Variants in GALNT14 observed in about 807,000 individuals in gnomAD.
GALNT14 encodes UDP-GalNAc:polypeptide N-acetylgalactosaminyltransferase 14.
In GALNT14, 60 loss-of-function variants were observed where a neutral mutation model predicts 77.5. That is an observed-to-expected ratio of 0.77 (90% CI 0.63 to 0.96). The LOEUF (loss-of-function observed/expected upper bound fraction) is 0.96, where lower values mean the gene tolerates loss of function less well. Among genes scored for constraint, GALNT14 ranks in the 40% least tolerant of loss-of-function variants. The probability of loss-of-function intolerance (pLI) is 0.00; values close to 1 mark genes in which losing one functional copy is unlikely to be tolerated. For synonymous variants in GALNT14, 280 were observed against 281.7 expected, an observed-to-expected ratio of 0.99 and a Z score of 0.06; for missense variants, 710 against 731.0, an observed-to-expected ratio of 0.97 and a Z score of 0.33.
intron 1 of GALNT14, among the ~76,000 whole-genome samples, chr2:31,098,857 T>A (rs1324409832): frequency 1.3e-5 from 2 of 151,916 alleles, no homozygotes; most frequent in Non-Finnish European, 2.9e-5. Flanking sequence ...ACTAAGAAAA[T>A]CACAAGGAAG....
At chr2:30,973,056 G>C (rs12624087) in intron 2 of GALNT14, among the ~76,000 whole-genome samples, 3,539 of 152,284 alleles carry the variant, frequency 0.023, 142 homozygotes, top group East Asian at 0.21. Context: ...AGAGGCCAGA[G>C]CCACAAAGAG....
intron 1 of GALNT14, among the ~76,000 whole-genome samples, chr2:31,004,140 T>A (rs975177264): frequency 6.6e-6 from 1 of 152,176 alleles, no homozygotes; most frequent in Non-Finnish European, 1.5e-5. Flanking sequence ...TGCATCCCCT[T>A]CTCTTTGTGT....
the GALNT14 span, among the ~76,000 whole-genome samples, chr2:30,903,358 A>T: frequency 6.6e-6 from 1 of 152,246 alleles, no homozygotes; most frequent in Non-Finnish European, 1.5e-5. Context: ...TGCTGGCTAC[A>T]CCTGATGCCT....
At chr2:30,911,673 C>T (rs1172925101) in intron 14 of GALNT14, among the ~76,000 whole-genome samples, 1 of 152,196 alleles carries the variant, frequency 6.6e-6, no homozygotes, top group South Asian at 2.1e-4. Context: ...AATGGACATC[C>T]AGAGAGGTCC....
chr2:31,018,474 C>T (rs898653542), intron 1 of GALNT14, among the ~76,000 whole-genome samples: 2 of 152,086 alleles, frequency 1.3e-5, no homozygotes, highest in African/African-American at 4.8e-5. Flanking sequence ...TGAGGAAAAG[C>T]CCCTTATAAA....
intron 1 of GALNT14, among the ~76,000 whole-genome samples, chr2:31,042,747 AC>A (rs1673178815): frequency 6.6e-6 from 1 of 151,990 alleles, no homozygotes; most frequent in Admixed American, 6.6e-5. Flanking sequence ...TCTTCTCGCC[AC>A]CTCCGCTGCT....
At chr2:30,942,142 G>T in intron 9 of GALNT14, 59 bp downstream of exon 9, 1 of 1,265,960 alleles carries the variant, frequency 7.9e-7, no homozygotes, top group Non-Finnish European at 1.1e-6. Flanking sequence ...AGAGGTCCCC[G>T]CCCCAATCCC....
chr2:31,120,047 T>TC lies in GALNT14; in HGVS notation c.129+17910dup, dbSNP rs1678319133. On this transcript the variant is annotated intron_variant, in intron 1 of 14. Coordinates refer to ENST00000349752, the MANE Select transcript of GALNT14 (RefSeq NM_024572.4). Reference sequence around the variant, plus strand: ...AGCGGGCGCCTGTAGTCCCAGCTACTCGGGAGGCTGAGGCAGGAGAATGGC... The same window carrying TC: ...AGCGGGCGCCTGTAGTCCCAGCTACTCCGGGAGGCTGAGGCAGGAGAATGGC... 1.7e-5 allele frequency among the ~76,000 whole-genome samples: 2 copies of TC among 119,944 alleles called. 1 individual carries two copies. The highest frequency in any genetic ancestry group is 5.4e-5 in the African/African-American group (2 of 36,916). The allele number at this position is 119,944 out of a possible 152,430, so 78.7% of individuals were successfully genotyped here. A position where few individuals can be genotyped will look rare whatever the true frequency, so the allele number is the denominator to read the frequency against.
At chr2:31,112,191 G>C (rs1356670900) in intron 1 of GALNT14, among the ~76,000 whole-genome samples, 1 of 152,138 alleles carries the variant, frequency 6.6e-6, no homozygotes, top group Non-Finnish European at 1.5e-5. Flanking sequence ...AGAGCAATGA[G>C]CCCAGCTCCA....
At chr2:30,991,675 T>C (rs139113121) in intron 2 of GALNT14, among the ~76,000 whole-genome samples, 10 of 152,292 alleles carry the variant, frequency 6.6e-5, no homozygotes, top group East Asian at 1.9e-4. Context: ...GCTATATTCA[T>C]AGGGAAACCA....
chr2:30,981,465 A>T (rs1294001802), intron 2 of GALNT14, among the ~76,000 whole-genome samples: 2 of 152,218 alleles, frequency 1.3e-5, no homozygotes, highest in Non-Finnish European at 2.9e-5. Context: ...AGACATGTCA[A>T]ATCAGCCTAC....
chr2:31,053,519 G>A (rs920175412), intron 1 of GALNT14, among the ~76,000 whole-genome samples: 3 of 152,030 alleles, frequency 2.0e-5, no homozygotes, highest in Non-Finnish European at 4.4e-5. Flanking sequence ...GCTAAGTCTG[G>A]TTTTTGATCA....
intron 1 of GALNT14, among the ~76,000 whole-genome samples, chr2:31,060,609 C>T (rs968423987): frequency 6.6e-6 from 1 of 152,192 alleles, no homozygotes; most frequent in Non-Finnish European, 1.5e-5. Flanking sequence ...CTGTGCCCCG[C>T]CAGTCTAGCT....
chr2:31,124,594 A>C (rs1175901021), intron 1 of GALNT14, among the ~76,000 whole-genome samples: 1 of 152,202 alleles, frequency 6.6e-6, no homozygotes, highest in African/African-American at 2.4e-5. Context: ...GTTAACAATT[A>C]GCATGGTTCA....
chr2:31,030,441 A>C (rs910092433), intron 1 of GALNT14, among the ~76,000 whole-genome samples: 2 of 152,184 alleles, frequency 1.3e-5, no homozygotes, highest in African/African-American at 4.8e-5. Context: ...AAATTGTTGA[A>C]AAAACTAAGG....
At chr2:31,064,387 A>AGTGC (rs1343723820) in intron 1 of GALNT14, among the ~76,000 whole-genome samples, 1 of 152,222 alleles carries the variant, frequency 6.6e-6, no homozygotes, top group Non-Finnish European at 1.5e-5. Flanking sequence ...CAACTATCCC[A>AGTGC]GTGCTTTCCA....
At position 30,944,798 on chromosome 2, in the gene GALNT14, C is replaced by T. The variant is rs1183821533; in HGVS notation, c.827+60G>A. The T allele has an allele frequency of 2.6e-5, 34 of 1,329,312 alleles. 1 individual carries two copies. The highest frequency in any genetic ancestry group is 3.3e-5 in the Non-Finnish European group (32 of 976,990). 82.3% of individuals were successfully genotyped at this position (1,329,312 alleles called of 1,614,324 possible). A position where few individuals can be genotyped will look rare whatever the true frequency, so the allele number is the denominator to read the frequency against. On this transcript the variant is annotated intron_variant, in intron 8 of 14. Coordinates refer to ENST00000349752, the MANE Select transcript of GALNT14 (RefSeq NM_024572.4). The stretch of plus-strand genomic sequence containing the variant: ...ACATCTGATATTGAGCACCTCCCTA[C>T]ACTTGACAGGATCCAGTGGTGATGG...
chr2:31,136,768 T>C (rs1679245777), intron 1 of GALNT14, among the ~76,000 whole-genome samples: 1 of 152,100 alleles, frequency 6.6e-6, no homozygotes, highest in African/African-American at 2.4e-5. Flanking sequence ...TTAAGGTACG[T>C]GACTTAAAGA....
At chr2:30,966,479 G>T (rs2303322) in intron 2 of GALNT14, among the ~76,000 whole-genome samples, 177 bp from the exon 3 acceptor site, 23,194 of 152,136 alleles carry the variant, frequency 0.15, 1,853 homozygotes, top group East Asian at 0.32. Context: ...CCTAAGAGGG[G>T]CTGGGGAGCT....
Sources: allele counts gnomAD v4.1 joint callset (sites outside exome capture counted in the v4.1 genomes callset), GRCh38; gene constraint gnomAD v4.1.1; transcripts MANE v1.5; gene names NCBI Gene and HGNC (gene_info 2026-07-23, HGNC 2026-07-21).